The following SEC24C variants were observed in gnomAD, a reference collection of about 807,000 sequenced individuals.
The protein encoded by SEC24C is protein transport protein Sec24C.
In SEC24C, 22 loss-of-function variants were observed where a neutral mutation model predicts 117.0. The ratio of observed to expected loss-of-function variants is 0.19; its 90% CI spans 0.13 to 0.27. SEC24C has a LOEUF of 0.27. Ranked by LOEUF, SEC24C falls within the 10% of genes least tolerant of loss-of-function variation. The pLI is 1.00. For missense variants in SEC24C, 1,155 were observed against 1,375.1 expected (o/e 0.84, Z 2.53); for synonymous variants, 506 against 529.4 (o/e 0.96, Z 0.61).
chr10:73,746,145 TGA>T (rs1256569748), intron 1 of SEC24C, among the ~76,000 whole-genome samples: 2 of 119,396 alleles, frequency 1.7e-5, no homozygotes. Flanking sequence ...GGCAACAGAG[TGA>T]GACTCCGTCT....
In SEC24C at chr10:73,759,603, G is replaced by T. The variant is rs2082763328; in HGVS notation, c.309-19G>T. ...TGTCCTGGCCCCACTAGTCACCTCT[G>T]CTTGCTTTCTTTTCACAGGCTGCCT... On this transcript the variant is annotated intron_variant, in intron 3 of 22. Transcript: ENST00000345254. The T allele has an allele frequency of 1.3e-6, 2 of 1,496,608 alleles. No homozygotes were observed. The highest frequency in any genetic ancestry group is 8.9e-7 in the Non-Finnish European group (1 of 1,124,014). 92.7% of individuals were successfully genotyped at this position (1,496,608 alleles called of 1,614,324 possible).
At chr10:73,745,259 C>T (rs1276551653) in intron 1 of SEC24C, among the ~76,000 whole-genome samples, 1 of 152,036 alleles carries the variant, frequency 6.6e-6, no homozygotes, top group Non-Finnish European at 1.5e-5. Context: ...AGAAAAGGCC[C>T]TCTAATTCAT....
chr10:73,760,902 C>T (rs1276390417), intron 6 of SEC24C, 53 bp downstream of exon 6: 1 of 1,522,994 alleles, frequency 6.6e-7, no homozygotes, highest in Non-Finnish European at 8.8e-7. Flanking sequence ...GCCAGATAGG[C>T]AGGTCAATCT....
intron 6 of SEC24C, among the ~76,000 whole-genome samples, chr10:73,762,415 G>A (rs1449084671): frequency 1.3e-5 from 2 of 152,148 alleles, no homozygotes; most frequent in Non-Finnish European, 2.9e-5. Context: ...TCTAAGGGTG[G>A]GGTCAGGTGG....
Position 73,770,805 on chromosome 10 carries a change from CTG to C in SEC24C, c.3144+8_3144+9del. The C allele has an allele frequency of 1.2e-6, 2 of 1,613,932 alleles. No individual in the cohort carries two copies. Among genetic ancestry groups the C allele is most frequent in the Non-Finnish European group, 1.7e-6 (2 of 1,179,806 alleles). ...GAGATCCCGGTACATGAAGGTAACA[CTG>C]ATCTGAACCCTGGATTTCTTACCTT... On this transcript the variant is annotated splice_region_variant and intron_variant, in intron 22 of 22. Transcript: ENST00000345254.
intron 6 of SEC24C, chr10:73,762,117 C>T: frequency 7.8e-7 from 1 of 1,289,760 alleles, no homozygotes; most frequent in Non-Finnish European, 1.0e-6. Flanking sequence ...GAGCTGCCTC[C>T]TCAGCAGAAA....
chr10:73,760,821 G>A lies in SEC24C; in HGVS notation c.959G>A (p.Arg320His), dbSNP rs866634007. The change falls in exon 6 of 23, where the codon CGC becomes CAC. Residue 320 changes from arginine (R) to histidine (H), a missense_variant. Transcript: ENST00000345254. Reference sequence around the variant, plus strand: ...CCTCCTCAGCCACTGCCTCCTAAGCGCCTGGACCCTGATGCCATCCCAAGC... The same window carrying A: ...CCTCCTCAGCCACTGCCTCCTAAGCACCTGGACCCTGATGCCATCCCAAGC... ...PGPPQPLPPK[R>H]LDPDAIPSPI... The A allele has an allele frequency of 2.5e-6, 4 of 1,613,782 alleles. No homozygotes were observed. Among genetic ancestry groups the A allele is most frequent in the African/African-American group, 1.3e-5 (1 of 74,890 alleles).
At chr10:73,751,339 T>C (rs1179457581) in intron 3 of SEC24C, 96 bp downstream of exon 3, 2 of 1,215,816 alleles carry the variant, frequency 1.6e-6, no homozygotes, top group Non-Finnish European at 2.2e-6. Context: ...GGTGGGTGGA[T>C]CACCTGAGGT....
intron 14 of SEC24C, 24 bp downstream of exon 14, chr10:73,767,194 G>A (rs2082898080): frequency 1.3e-6 from 2 of 1,510,152 alleles, no homozygotes; most frequent in Non-Finnish European, 1.8e-6. Context: ...AAATGGGGGA[G>A]GGGAAGGATT....
chr10:73,763,702 T>TTTTTTTTTTTTTTTTC, intron 7 of SEC24C, 101 bp downstream of exon 7: 1 of 782,364 alleles, frequency 1.3e-6, no homozygotes, highest in Non-Finnish European at 1.9e-6. Context: ...TTTTTTTTAG[T>TTTTTTTTTTTTTTTTC]TTTTAACCAG....
Position 73,760,324 on chromosome 10 carries a change from C to T in SEC24C, c.788C>T (p.Pro263Leu), listed in dbSNP as rs1488418155. ...ALPPGTQMTG[P>L]LGPLPPMHSP... ...CCCCCTGGCACCCAGATGACTGGGC[C>T]CCTGGGACCACTGCCACCTATGCAC... Residue 263 changes from proline (P) to leucine (L), a missense_variant, in exon 5 of 23, where the codon CCC becomes CTC. By Grantham distance (98) the Pro-to-Leu change is moderately conservative (BLOSUM62 -3). Around this residue, in one of 2 missense-constraint regions of SEC24C, gnomAD observed 396 missense variants for 382.8 expected, o/e 1.03. Coordinates refer to ENST00000345254, the MANE Select transcript of SEC24C (RefSeq NM_198597.3). The T allele has an allele frequency of 1.9e-6, 3 of 1,612,200 alleles. No homozygotes were observed. The highest frequency in any genetic ancestry group is 2.5e-6 in the Non-Finnish European group (3 of 1,179,976).
At position 73,765,861 on chromosome 10, in the gene SEC24C, C is replaced by T. The variant is rs772852585; in HGVS notation, c.1428C>T (p.Arg476=). The T allele has an allele frequency of 8.1e-6, 13 of 1,614,054 alleles. No homozygotes were observed. In the Middle Eastern group the frequency reaches 4.9e-4, roughly 61 times the overall value. ...HTGKRVDAYD[R]PELSLGSYEF... is the part of the protein sequence containing the mutation. ...GCAAACGTGTGGATGCTTATGACCG[C>T]CCTGAGCTATCCCTGGGCTCTTATG... The change falls in exon 10 of 23, where the codon CGC becomes CGT. Residue 476 remains arginine, a synonymous_variant. Coordinates refer to ENST00000345254, the MANE Select transcript of SEC24C (RefSeq NM_198597.3).
intron 6 of SEC24C, among the ~76,000 whole-genome samples, chr10:73,761,717 G>A (rs1235913582): frequency 1.3e-5 from 2 of 152,088 alleles, no homozygotes; most frequent in African/African-American, 4.8e-5. Flanking sequence ...GGAGAGTCTG[G>A]TTGGACATGA....
rs1033371047 is a variant in SEC24C at position 73,762,061 on chromosome 10, T to C, written c.987+1212T>C. 7 of 1,266,600 alleles carry C rather than the reference T, an allele frequency of 5.5e-6. No individual in the cohort carries two copies. The Admixed American group carries it at 1.6e-4, about 29-fold the overall frequency. 78.5% of individuals were successfully genotyped at this position (1,266,600 alleles called of 1,614,324 possible). A position where few individuals can be genotyped will look rare whatever the true frequency, so the allele number is the denominator to read the frequency against. ...TCTTGTTCTTTTGTCTCCCTCCTTG[T>C]ATTCCCCTGCTGCATTTATTATTAA... On this transcript the variant is annotated intron_variant, in intron 6 of 22. Transcript: ENST00000345254.
At chr10:73,757,067 C>CAG in intron 3 of SEC24C, among the ~76,000 whole-genome samples, 1 of 149,680 alleles carries the variant, frequency 6.7e-6, no homozygotes, top group Admixed American at 6.6e-5. Context: ...TGCACTACCA[C>CAG]GCCTGGGCTA....
In SEC24C at chr10:73,769,410, A is replaced by G; in HGVS notation, c.2488A>G (p.Asn830Asp). ...GCTCCGCATCCATAATCTGGCCCTG[A>G]ACTGCTGCACCCAGCTGGCTGATCT... is the stretch of plus-strand genomic sequence containing the variant. ...RRLRIHNLAL[N>D]CCTQLADLYR... Residue 830 changes from asparagine (N) to aspartate (D), a missense_variant, in exon 18 of 23, where the codon AAC becomes GAC. Physicochemically the swap from Asn to Asp is conservative, Grantham distance 23. Transcript: ENST00000345254. The surrounding 1 kb of genome is among the most constrained non-coding windows in gnomAD (Gnocchi z 4.5). 6.2e-7 allele frequency: 1 copy of G among 1,614,146 alleles called. No homozygotes were observed. The highest frequency in any genetic ancestry group is 8.5e-7 in the Non-Finnish European group (1 of 1,180,032).
rs1171307822 is a variant in SEC24C at position 73,760,043 on chromosome 10, C to T, written c.507C>T (p.Ala169=). 1 of 1,590,764 alleles carries T rather than the reference C, an allele frequency of 6.3e-7. No homozygotes were observed. The highest frequency in any genetic ancestry group is 8.6e-7 in the Non-Finnish European group (1 of 1,165,162). ...GFGPPTSLAS[A]SGSFPNSGLY... ...GCCCACCAACATCGCTGGCTTCAGC[C>T]TCAGGAAGTTTCCCTAACTCTGGTC... The change falls in exon 5 of 23, where the codon GCC becomes GCT. Residue 169 remains alanine, a synonymous_variant. Coordinates refer to ENST00000345254, the MANE Select transcript of SEC24C (RefSeq NM_198597.3).
At chr10:73,759,537 A>G (rs1013462972) in intron 3 of SEC24C, 85 bp from the exon 4 acceptor site, 23 of 1,050,622 alleles carry the variant, frequency 2.2e-5, no homozygotes. Context: ...AAAACAATGT[A>G]GCTTCCTGTA....
chr10:73,769,909 C>T lies in SEC24C; in HGVS notation c.2756C>T (p.Pro919Leu). The T allele has an allele frequency of 1.2e-6, 2 of 1,614,150 alleles. No homozygotes were observed. The highest frequency in any genetic ancestry group is 1.7e-6 in the Non-Finnish European group (2 of 1,180,010). ...GTGTTGAAGAGTGATGTCCTGCAGC[C>T]TGGAGCTGAAGTCACTACTGATGAC... ...NCVLKSDVLQ[P>L]GAEVTTDDRA... The change falls in exon 20 of 23, where the codon CCT becomes CTT. Residue 919 changes from proline to leucine, a missense_variant. By Grantham distance (98) the Pro-to-Leu change is moderately conservative. This residue lies in a region of SEC24C where 759 missense variants were observed against 992.3 expected (regional missense o/e 0.76). Coordinates refer to ENST00000345254, the MANE Select transcript of SEC24C (RefSeq NM_198597.3). The surrounding 1 kb of genome is among the most constrained non-coding windows in gnomAD (Gnocchi z 4.5).
Sources: gnomAD v4.1 joint callset for allele counts (sites outside exome capture counted in the v4.1 genomes callset) on GRCh38, gnomAD v4.1.1 for gene constraint, gnomAD v4.1.1 regional missense constraint, Gnocchi (gnomAD v3.1) non-coding constraint, MANE v1.5 for transcripts, NCBI Gene and HGNC (gene_info 2026-07-23, HGNC 2026-07-21) for gene names.